The following SMG1 variants were observed in gnomAD, a reference collection of about 807,000 sequenced individuals.
SMG1 encodes SMG1 nonsense mediated mRNA decay associated PI3K related kinase, also known as serine/threonine-protein kinase SMG1.
A neutral mutation model predicts 419.9 loss-of-function variants in SMG1; 22 were observed. The observed-to-expected ratio is 0.05, with a 90% CI of 0.04 to 0.07. The LOEUF (loss-of-function observed/expected upper bound fraction) is 0.07, where lower values mean the gene tolerates loss of function less well. Among genes scored for constraint, SMG1 ranks in the 10% least tolerant of loss-of-function variants. The pLI is 1.00. For missense variants in SMG1, 3,185 were observed against 4,342.0 expected (o/e 0.73, Z 7.49); for synonymous variants, 1,538 against 1,553.5 (o/e 0.99, Z 0.23).
Position 18,849,104 on chromosome 16 carries a change from A to AAAAAC in SMG1, c.5623+112_5623+113insGTTTT, listed in dbSNP as rs1555493199. On this transcript the variant is annotated intron_variant, in intron 36 of 62. Coordinates refer to ENST00000446231, the MANE Select transcript of SMG1 (RefSeq NM_015092.5). Reference sequence around the variant, plus strand: ...AAAAAAAAAAAAAAAAAAAAAAAAAAAACCCTACAAACTCTAACAACTCTG... The same window carrying AAAAAC: ...AAAAAAAAAAAAAAAAAAAAAAAAAAAAAACAACCCTACAAACTCTAACAACTCTG... The AAAAAC allele has an allele frequency of 1.1e-4, 28 of 262,634 alleles. 6 individuals are homozygous for AAAAAC. Among genetic ancestry groups the AAAAAC allele is most frequent in the Admixed American group, 2.8e-4 (4 of 14,308 alleles). 16.3% of individuals were successfully genotyped at this position (262,634 alleles called of 1,614,324 possible). A position where few individuals can be genotyped will look rare whatever the true frequency, so the allele number is the denominator to read the frequency against.
Position 18,916,036 on chromosome 16 carries a change from T to G in SMG1, c.92+9914A>C, listed in dbSNP as rs144714740. Among the ~76,000 whole-genome samples the G allele has an allele frequency of 1.5e-4, 17 of 114,238 alleles. 2 individuals are homozygous for G. The East Asian group carries it at 5.0e-3, about 34-fold the overall frequency. The allele number at this position is 114,238 out of a possible 152,430, so 74.9% of individuals were successfully genotyped here. Reference sequence around the variant, plus strand: ...GTGAGCCGTGATCACACCATTGCACTCCAGCCTGGGGGATAAGAGCGACAC... The same window carrying G: ...GTGAGCCGTGATCACACCATTGCACGCCAGCCTGGGGGATAAGAGCGACAC... On this transcript the variant is annotated intron_variant, in intron 1 of 62. Transcript: ENST00000446231.
chr16:18,858,196 T>C lies in SMG1; in HGVS notation c.4208A>G (p.Gln1403Arg). The change falls in exon 29 of 63, where the codon CAG becomes CGG. Residue 1403 changes from glutamine (Q) to arginine (R), a missense_variant. By Grantham distance (43) the Gln-to-Arg change is conservative (BLOSUM62 1). This residue lies in a region of SMG1 where 493 missense variants were observed against 552.9 expected (regional missense o/e 0.89). Coordinates refer to ENST00000446231, the MANE Select transcript of SMG1 (RefSeq NM_015092.5). ...TTTAATTTTCTCCAACAACTGATTC[T>C]GGTACATAGTATACCTTAATGCCTG... ...WMQALRYTMY[Q>R]NQLLEKIKEQ... 1.3e-6 allele frequency: 2 copies of C among 1,586,048 alleles called. No homozygotes were observed. Among genetic ancestry groups the C allele is most frequent in the Non-Finnish European group, 1.7e-6 (2 of 1,166,288 alleles).
chr16:18,858,280 A>G lies in SMG1; in HGVS notation c.4124T>C (p.Ile1375Thr), dbSNP rs777550401. The G allele has an allele frequency of 1.9e-6, 3 of 1,592,476 alleles. No homozygotes were observed. The highest frequency in any genetic ancestry group is 2.6e-6 in the Non-Finnish European group (3 of 1,174,116). ...SNRLSTEDCL[I>T]PLFSEALRSC... ...ACGTAAAGCTTCACTGAAGAGTGGA[A>G]TAAGACAGTCCTGCCAGAGAAAAAC... Residue 1375 changes from isoleucine (I) to threonine (T), a missense_variant, in exon 29 of 63, where the codon ATT becomes ACT. This residue lies in a region of SMG1 where 493 missense variants were observed against 552.9 expected (regional missense o/e 0.89). Coordinates refer to ENST00000446231, the MANE Select transcript of SMG1 (RefSeq NM_015092.5).
intron 38 of SMG1, among the ~76,000 whole-genome samples, chr16:18,846,590 T>C (rs771947689): frequency 4.6e-5 from 7 of 152,104 alleles, no homozygotes; most frequent in South Asian, 2.1e-4. Context: ...TCTCCAAAGA[T>C]AGGCAAATGG....
rs750033232 is a variant in SMG1, at chr16:18,812,099, A to G, written c.10650T>C (p.Thr3550=). 1.2e-6 allele frequency: 2 copies of G among 1,613,376 alleles called. No homozygotes were observed. Among genetic ancestry groups the G allele is most frequent in the Non-Finnish European group, 1.7e-6 (2 of 1,179,674 alleles). ...CATTCTGTGACATGACATCAGGCTG[A>G]GTCTTCTGGCCAGTGTTACTCCGGA... ...AAVRSNTGQK[T]QPDVMSQNAR... The change falls in exon 61 of 63, where the codon ACT becomes ACC. Residue 3550 remains threonine, a synonymous_variant. Coordinates refer to ENST00000446231, the MANE Select transcript of SMG1 (RefSeq NM_015092.5).
intron 29 of SMG1, chr16:18,856,903 G>A (rs2034945569): frequency 6.6e-6 from 1 of 151,814 alleles, no homozygotes. Context: ...AAGGAGATGA[G>A]GGTACTTGTG....
In SMG1 at chr16:18,835,200, C is replaced by T. The variant is rs767133998; in HGVS notation, c.8058-36G>A. ...AAGGAAGAGGTGCTTGTTTATAACA[C>T]AACCACCCCCAACATACAAAAGAAT... On this transcript the variant is annotated intron_variant, in intron 48 of 62. Transcript: ENST00000446231. 10 of 1,567,350 alleles carry T rather than the reference C, an allele frequency of 6.4e-6. No individual in the cohort carries two copies. In the East Asian group the frequency reaches 1.6e-4, roughly 25 times the overall value.
At chr16:18,875,761 C>T in intron 13 of SMG1, 1 of 300,862 alleles carries the variant, frequency 3.3e-6, no homozygotes, top group Non-Finnish European at 6.1e-6. Context: ...AAAAAAGTAC[C>T]AGGGGAAGAA....
Position 18,849,295 on chromosome 16 carries a change from C to T in SMG1, c.5545G>A (p.Ala1849Thr). Residue 1849 changes from alanine (A) to threonine (T), a missense_variant, in exon 36 of 63, where the codon GCT becomes ACT. By Grantham distance (58) the Ala-to-Thr change is moderately conservative. Transcript: ENST00000446231. ...QSICNLLCRV[A>T]QDSPHLILYP... ...AATATGAGATGTGGGGAATCTTGAG[C>T]CACACGGCAGAGAAGGTTACAAATA... The T allele has an allele frequency of 6.2e-7, 1 of 1,613,694 alleles. No individual in the cohort carries two copies. The highest frequency in any genetic ancestry group is 8.5e-7 in the Non-Finnish European group (1 of 1,179,744).
At chr16:18,816,197 A>C in intron 58 of SMG1, 105 bp downstream of exon 58, 2 of 889,486 alleles carry the variant, frequency 2.2e-6, no homozygotes, top group Non-Finnish European at 3.4e-6. Flanking sequence ...ATGTGATGAG[A>C]TAAATTGTTA....
chr16:18,875,970 AC>A (rs2036109264), intron 13 of SMG1, 153 bp downstream of exon 13: 2 of 765,298 alleles, frequency 2.6e-6, no homozygotes, highest in African/African-American at 3.5e-5. Flanking sequence ...AAACATTCCT[AC>A]CAATTTTATT....
chr16:18,836,658 C>T, intron 46 of SMG1, 126 bp from the exon 47 acceptor site: 1 of 889,902 alleles, frequency 1.1e-6, no homozygotes, highest in Non-Finnish European at 1.7e-6. Flanking sequence ...GAGGGCCCTC[C>T]TCAAATGTCC....
Position 18,880,959 on chromosome 16 carries a change from T to G in SMG1, c.1293+1206A>C, listed in dbSNP as rs2036364614. On this transcript the variant is annotated intron_variant, in intron 10 of 62. Coordinates refer to ENST00000446231, the MANE Select transcript of SMG1 (RefSeq NM_015092.5). ...CTGAGTCGTGATGGCACCACCCCAC[T>G]TTAAAAAGAAAAAAAAAAAAAAAAG... 4.2e-5 allele frequency among the ~76,000 whole-genome samples: 6 copies of G among 141,224 alleles called. No individual in the cohort carries two copies. In the South Asian group the frequency reaches 1.4e-3, roughly 32 times the overall value. The allele number at this position is 141,224 out of a possible 152,430, so 92.6% of individuals were successfully genotyped here.
At position 18,853,740 on chromosome 16, in the gene SMG1, T is replaced by C. The variant is rs376553676; in HGVS notation, c.4611A>G (p.Lys1537=). 40 of 1,614,010 alleles carry C rather than the reference T, an allele frequency of 2.5e-5. No homozygotes were observed. In the African/African-American group the frequency reaches 3.7e-4, roughly 15 times the overall value. ...TLAKWIQAEW[K]EISGQLKQVY... ...CCTGTTTCAGCTGTCCTGAAATCTC[T>C]TTCCATTCTGCCTGGATCCATTTAG... Residue 1537 remains lysine, a synonymous_variant, in exon 31 of 63, where the codon AAA becomes AAG. Transcript: ENST00000446231.
chr16:18,913,375 G>GT (rs2037858775), intron 1 of SMG1, among the ~76,000 whole-genome samples: 1 of 151,880 alleles, frequency 6.6e-6, no homozygotes, highest in African/African-American at 2.4e-5. Context: ...TCAAACACAC[G>GT]TATCACACAT....
intron 13 of SMG1, among the ~76,000 whole-genome samples, chr16:18,874,560 T>TTAAAAAA (rs1230247670): frequency 1.2e-4 from 13 of 110,686 alleles, no homozygotes; most frequent in African/African-American, 4.4e-4. Flanking sequence ...TCGAATTACT[T>TTAAAAAA]AAAAAAAAAA....
In SMG1 at chr16:18,807,409, T is replaced by C. The variant is rs888247272; in HGVS notation, c.*2160A>G. On this transcript the variant is annotated 3_prime_UTR_variant, in exon 63 of 63. Transcript: ENST00000446231. ...TGCAAAATACAATATGGCATTATTA[T>C]TCCAGCTAGGTTTTTTGCGAAAATA... The C allele has an allele frequency of 6.6e-6, 1 of 152,234 alleles. No homozygotes were observed. Among genetic ancestry groups the C allele is most frequent in the Non-Finnish European group, 1.5e-5 (1 of 68,038 alleles). The allele number at this position is 152,234 out of a possible 1,614,324, so 9.4% of individuals were successfully genotyped here. A position where few individuals can be genotyped will look rare whatever the true frequency, so the allele number is the denominator to read the frequency against.
In SMG1 at chr16:18,859,052, C is replaced by G. The variant is rs1018838089; in HGVS notation, c.4083G>C (p.Glu1361Asp). Residue 1361 changes from glutamate (E) to aspartate (D), a missense_variant, in exon 28 of 63, where the codon GAG becomes GAC. Around this residue, in one of 27 missense-constraint regions of SMG1, gnomAD observed 493 missense variants for 552.9 expected, o/e 0.89. Coordinates refer to ENST00000446231, the MANE Select transcript of SMG1 (RefSeq NM_015092.5). ...TTGAAAGTCTGTTAGAAACTGTGTT[C>G]TCCAAAGCAGATGAGCAATACAGCT... ...TLQLYCSSAL[E>D]NTVSNRLSTE... is the part of the protein sequence containing the mutation. 55 of 1,535,138 alleles carry G rather than the reference C, an allele frequency of 3.6e-5. No homozygotes were observed. Among genetic ancestry groups the G allele is most frequent in the East Asian group, 2.2e-4 (9 of 41,466 alleles).
intron 29 of SMG1, among the ~76,000 whole-genome samples, chr16:18,855,745 G>A (rs962732797): frequency 2.4e-4 from 36 of 152,078 alleles, no homozygotes; most frequent in African/African-American, 8.5e-4. Flanking sequence ...AGAGACTTCA[G>A]CATAACTTAG....
Sources: gnomAD v4.1 joint callset for allele counts (sites outside exome capture counted in the v4.1 genomes callset) on GRCh38, gnomAD v4.1.1 for gene constraint, gnomAD v4.1.1 regional missense constraint, MANE v1.5 for transcripts, NCBI Gene and HGNC (gene_info 2026-07-23, HGNC 2026-07-21) for gene names.